The following TARS3 variants were observed in gnomAD, a reference collection of about 807,000 sequenced individuals.
TARS3 encodes the protein threonine--tRNA ligase 2, cytoplasmic.
Under a neutral mutation model 103.5 loss-of-function variants are expected in TARS3, and 94 were observed. The observed-to-expected ratio is 0.91, with a 90% CI of 0.77 to 1.08. The LOEUF is 1.08. TARS3 is among the 50% of genes least tolerant of loss of function. The probability of loss-of-function intolerance (pLI) is 0.00; values close to 1 mark genes in which losing one functional copy is unlikely to be tolerated. For synonymous variants in TARS3, 416 were observed against 355.4 expected (o/e 1.17, Z -1.92); for missense variants, 952 against 995.2 (o/e 0.96, Z 0.58).
Position 101,686,041 on chromosome 15 carries a change from A to G in TARS3, c.1342T>C (p.Phe448Leu). 1.9e-6 allele frequency: 3 copies of G among 1,609,306 alleles called. No individual in the cohort carries two copies. In the African/African-American group the frequency reaches 4.0e-5, roughly 21 times the overall value. Residue 448 changes from phenylalanine to leucine, a missense_variant, in exon 11 of 19, where the codon TTC (phenylalanine) becomes CTC (leucine). Phe to Leu is a conservative substitution (Grantham distance 22). Coordinates refer to ENST00000335968, the MANE Select transcript of TARS3 (RefSeq NM_152334.3). ...ATATTGGGAGAGAGCACCTCCGTGA[A>G]GTCCCGTTTGTGATATTCCTCCTTC... ...FIREEYHKRD[F>L]TEVLSPNMYN...
In TARS3 at chr15:101,654,635, TATCAATGGCAG is replaced by T. The variant is rs1174592680; in HGVS notation, c.2345_2355del (p.Ser782Ter). The T allele has an allele frequency of 6.2e-7, 1 of 1,614,210 alleles. No individual in the cohort carries two copies. Among genetic ancestry groups the T allele is most frequent in the Admixed American group, 1.7e-5 (1 of 60,024 alleles). ...CGTGTCTTCCTGAGATTCTTCAGTT[TATCAATGGCAG>T]AAGTTACTAAAATCTCTCCATGAAT... is the stretch of plus-strand genomic sequence containing the variant. On this transcript the variant is annotated frameshift_variant, in exon 19 of 19. Coordinates refer to ENST00000335968, the MANE Select transcript of TARS3 (RefSeq NM_152334.3). LOFTEE classifies it high-confidence loss of function.
At chr15:101,681,111 T>C (rs1358923546) in intron 12 of TARS3, among the ~76,000 whole-genome samples, 1 of 152,234 alleles carries the variant, frequency 6.6e-6, no homozygotes. Flanking sequence ...TGTCCATATA[T>C]TTGTGTCTAT....
At chr15:101,673,152 A>T (rs932742960) in intron 13 of TARS3, among the ~76,000 whole-genome samples, 4 of 152,196 alleles carry the variant, frequency 2.6e-5, no homozygotes, top group Non-Finnish European at 5.9e-5. Flanking sequence ...TAGTTATTGG[A>T]GAGAAATATC....
At chr15:101,655,834 C>T in intron 18 of TARS3, 1 of 1,254,030 alleles carries the variant, frequency 8.0e-7, no homozygotes, top group African/African-American at 1.5e-5. Context: ...GCGGGGAGCT[C>T]TTACAGGCTC....
At chr15:101,706,472 T>G (rs1899568729) in intron 6 of TARS3, among the ~76,000 whole-genome samples, 1 of 152,196 alleles carries the variant, frequency 6.6e-6, no homozygotes, top group African/African-American at 2.4e-5. Flanking sequence ...AACTTTTACT[T>G]TTAAAATGTA....
At chr15:101,689,003 T>C (rs1007136471) in intron 10 of TARS3, among the ~76,000 whole-genome samples, 1 of 152,188 alleles carries the variant, frequency 6.6e-6, no homozygotes, top group Non-Finnish European at 1.5e-5. Flanking sequence ...TTGGAATCTT[T>C]CGATAACATG....
intron 3 of TARS3, 75 bp from the exon 4 acceptor site, chr15:101,715,038 C>T (rs1008905123): frequency 6.5e-6 from 9 of 1,378,680 alleles, no homozygotes; most frequent in South Asian, 3.5e-5. Flanking sequence ...AAAAGAATTT[C>T]TAGGGTTTTT....
intron 10 of TARS3, 115 bp downstream of exon 10, chr15:101,700,971 A>G: frequency 1.5e-6 from 1 of 673,068 alleles, no homozygotes; most frequent in Non-Finnish European, 2.4e-6. Context: ...CAAAATTCTT[A>G]TTAATGTTAC....
Position 101,654,547 on chromosome 15 carries a change from C to T in TARS3, c.*35G>A, listed in dbSNP as rs368857574. On this transcript the variant is annotated 3_prime_UTR_variant, in exon 19 of 19. Coordinates refer to ENST00000335968, the MANE Select transcript of TARS3 (RefSeq NM_152334.3). ...AAAAATACATTTTTAAGGGTCAAAA[C>T]AAAGTTACACAGAAGCAAATATCAG... 1.0e-5 allele frequency: 16 copies of T among 1,596,636 alleles called. No individual in the cohort carries two copies. The African/African-American group carries it at 2.2e-4, about 22-fold the overall frequency.
At chr15:101,723,687 C>A (rs983153404) in intron 1 of TARS3, among the ~76,000 whole-genome samples, 1 of 151,722 alleles carries the variant, frequency 6.6e-6, no homozygotes. Context: ...ACTTCTCGTC[C>A]AAAAAAAACC....
Position 101,721,191 on chromosome 15 carries a change from A to C in TARS3, c.501T>G (p.Ala167=). Reference sequence around the variant, plus strand: ...CTTCCCCTTGCACTGTTTGCCCATCAGCCACTCTTACTGTGATGATGTTGC... The same window carrying C: ...CTTCCCCTTGCACTGTTTGCCCATCCGCCACTCTTACTGTGATGATGTTGC... ...DTSNIITVRV[A]DGQTVQGEVW... The change falls in exon 3 of 19, where the codon GCT becomes GCG. Residue 167 remains alanine (A), a synonymous_variant. Transcript: ENST00000335968. The C allele has an allele frequency of 1.9e-6, 3 of 1,613,156 alleles. No homozygotes were observed. Among genetic ancestry groups the C allele is most frequent in the Non-Finnish European group, 2.5e-6 (3 of 1,179,222 alleles).
intron 10 of TARS3, among the ~76,000 whole-genome samples, chr15:101,689,301 C>A (rs984266114): frequency 4.6e-5 from 7 of 152,166 alleles, no homozygotes; most frequent in Non-Finnish European, 8.8e-5. Flanking sequence ...TGAAACCCCA[C>A]AAAGAGCATT....
In TARS3 at chr15:101,694,088, G is replaced by GA. The variant is rs899374645; in HGVS notation, c.1320+6997dup. 4.0e-5 allele frequency among the ~76,000 whole-genome samples: 6 copies of GA among 151,396 alleles called. No homozygotes were observed. The East Asian group carries it at 9.7e-4, about 24-fold the overall frequency. ...TGACAGATATTTTCCAGAATGCAGG[G>GA]AAAAAAAAATTCAAGGAGACTAACA... is the stretch of plus-strand genomic sequence containing the variant. On this transcript the variant is annotated intron_variant, in intron 10 of 18. Coordinates refer to ENST00000335968, the MANE Select transcript of TARS3 (RefSeq NM_152334.3).
chr15:101,686,127 C>T (rs1380904534), intron 10 of TARS3, 65 bp from the exon 11 acceptor site: 2 of 1,387,966 alleles, frequency 1.4e-6, no homozygotes, highest in African/African-American at 2.9e-5. Flanking sequence ...TGCAAAGTAA[C>T]ACTATGAGCA....
Position 101,697,304 on chromosome 15 carries a change from G to A in TARS3, c.1320+3782C>T, listed in dbSNP as rs116218471. On this transcript the variant is annotated intron_variant, in intron 10 of 18. Transcript: ENST00000335968. ...ACATGTAGCTTTGGGGCCAGGTGGT[G>A]GGCAGAAGCTAGAAGGGATTCTTAT... 4.4e-3 allele frequency among the ~76,000 whole-genome samples: 666 copies of A among 152,248 alleles called. 1 individual carries two copies. The highest frequency in any genetic ancestry group is 0.016 in the African/African-American group (646 of 41,532).
At chr15:101,674,126 C>G (rs1481311050) in intron 13 of TARS3, among the ~76,000 whole-genome samples, 1 of 152,248 alleles carries the variant, frequency 6.6e-6, no homozygotes, top group East Asian at 1.9e-4. Context: ...TGTGAACCGT[C>G]CTTTCGTCCA....
chr15:101,664,989 A>C (rs1328677133), intron 15 of TARS3, among the ~76,000 whole-genome samples: 1 of 152,240 alleles, frequency 6.6e-6, no homozygotes, highest in Non-Finnish European at 1.5e-5. Flanking sequence ...CGATGGATTC[A>C]GTAGCAACAG....
At chr15:101,705,555 G>T (rs1369935189) in intron 7 of TARS3, 128 bp downstream of exon 7, 3 of 726,332 alleles carry the variant, frequency 4.1e-6, no homozygotes, top group Non-Finnish European at 7.1e-6. Context: ...TTTGAAGATT[G>T]TAACTACGGT....
intron 13 of TARS3, among the ~76,000 whole-genome samples, chr15:101,673,477 A>G (rs576150054): frequency 2.8e-4 from 42 of 152,298 alleles, no homozygotes; most frequent in African/African-American, 9.1e-4. Flanking sequence ...AGTGGGTGTC[A>G]TTGCTACATC....
Sources: allele counts gnomAD v4.1 joint callset (sites outside exome capture counted in the v4.1 genomes callset), GRCh38; gene constraint gnomAD v4.1.1; transcripts MANE v1.5; gene names NCBI Gene and HGNC (gene_info 2026-07-23, HGNC 2026-07-21).